TACR1: variants seen among roughly 807,000 people sequenced by gnomAD.
TACR1 encodes tachykinin receptor 1, also known as substance-P receptor.
TACR1 carries 25 observed loss-of-function variants against 35.8 expected under a neutral mutation model. The ratio of observed to expected loss-of-function variants is 0.70; its 90% CI spans 0.51 to 0.98. The LOEUF (loss-of-function observed/expected upper bound fraction) is 0.98. TACR1 is among the 50% of genes least tolerant of loss of function. The pLI, the probability that TACR1 is intolerant of heterozygous loss-of-function variation, is 0.00. For synonymous variants in TACR1, 195 were observed against 206.7 expected, an observed-to-expected ratio of 0.94 and a Z score of 0.48; for missense variants, 478 against 522.9, an observed-to-expected ratio of 0.91 and a Z score of 0.84.
chr2:75,127,276 A>T (rs930005440), intron 1 of TACR1, among the ~76,000 whole-genome samples: 1 of 152,220 alleles, frequency 6.6e-6, no homozygotes, highest in Admixed American at 6.5e-5. Flanking sequence ...TTATCTATTC[A>T]GCTAAGCTCA....
At chr2:75,113,532 C>CTTTTTTTTTTTTT (rs11437762) in intron 2 of TACR1, among the ~76,000 whole-genome samples, 15 of 92,082 alleles carry the variant, frequency 1.6e-4, no homozygotes, top group East Asian at 3.2e-4. Context: ...TTTCTTCTTC[C>CTTTTTTTTTTTTT]TTTTTTTTTT....
chr2:75,171,909 T>G (rs1675295366), intron 1 of TACR1, among the ~76,000 whole-genome samples: 1 of 152,188 alleles, frequency 6.6e-6, no homozygotes, highest in Admixed American at 6.5e-5. Flanking sequence ...GACTTTGGAC[T>G]GTGTTTTTTT....
chr2:75,193,661 T>C (rs1675901945), intron 1 of TACR1, among the ~76,000 whole-genome samples: 1 of 152,202 alleles, frequency 6.6e-6, no homozygotes. Context: ...TTCTTTTTTT[T>C]TTAATCAACT....
At chr2:75,126,562 C>T (rs1468761915) in intron 1 of TACR1, among the ~76,000 whole-genome samples, 4 of 152,106 alleles carry the variant, frequency 2.6e-5, no homozygotes, top group African/African-American at 7.2e-5. Flanking sequence ...TAGGCGACAC[C>T]CTCCTGGACA....
chr2:75,131,254 A>C (rs1363775200), intron 1 of TACR1, among the ~76,000 whole-genome samples: 2 of 151,868 alleles, frequency 1.3e-5, no homozygotes, highest in Non-Finnish European at 2.9e-5. Context: ...ATGCTTGGCT[A>C]ATTTTTTGTA....
chr2:75,051,327 C>T lies in TACR1; in HGVS notation c.856G>A (p.Val286Ile). The change falls in exon 4 of 5, where the codon GTC becomes ATC. Residue 286 changes from valine to isoleucine, a missense_variant. Transcript: ENST00000305249. ...DLYLKKFIQQ[V>I]YLAIMWLAMS... ...GCCAGCCACATGATGGCCAGGTAGA[C>T]CTGCTGGATAAACTTCTTCAGGTAG... The T allele has an allele frequency of 6.2e-7, 1 of 1,614,136 alleles. No homozygotes were observed. Among genetic ancestry groups the T allele is most frequent in the Non-Finnish European group, 8.5e-7 (1 of 1,180,024 alleles).
At chr2:75,153,118 G>C (rs1416150472) in intron 1 of TACR1, among the ~76,000 whole-genome samples, 1 of 152,184 alleles carries the variant, frequency 6.6e-6, no homozygotes, top group South Asian at 2.1e-4. Flanking sequence ...GGCCAGGCTA[G>C]TCTTGAACTC....
chr2:75,058,535 A>G (rs1417805017), intron 2 of TACR1, among the ~76,000 whole-genome samples: 2 of 152,254 alleles, frequency 1.3e-5, no homozygotes, highest in South Asian at 2.1e-4. Context: ...AGAGACAGCA[A>G]CAGAAGAGAC....
chr2:75,163,435 A>C (rs192407337), intron 1 of TACR1, among the ~76,000 whole-genome samples: 2 of 152,234 alleles, frequency 1.3e-5, no homozygotes, highest in African/African-American at 4.8e-5. Context: ...AGGCATTTAC[A>C]TAAGTCTTAA....
intron 2 of TACR1, among the ~76,000 whole-genome samples, chr2:75,092,921 C>A (rs990437259): frequency 1.1e-4 from 16 of 152,154 alleles, no homozygotes; most frequent in Admixed American, 9.2e-4. Flanking sequence ...GGAATTAAAG[C>A]TATCAAAATA....
intron 1 of TACR1, among the ~76,000 whole-genome samples, chr2:75,197,861 G>A (rs966973347): frequency 2.6e-5 from 4 of 152,168 alleles, no homozygotes; most frequent in African/African-American, 7.2e-5. Flanking sequence ...GTTTCTTAAG[G>A]ATAGCATAAC....
intron 2 of TACR1, among the ~76,000 whole-genome samples, chr2:75,073,953 A>G (rs1672929428): frequency 6.6e-6 from 1 of 152,006 alleles, no homozygotes; most frequent in African/African-American, 2.4e-5. Context: ...CAACTCCTCA[A>G]CCCCTGAAAT....
intron 2 of TACR1, among the ~76,000 whole-genome samples, chr2:75,093,993 C>T (rs1352761641): frequency 6.6e-6 from 1 of 152,128 alleles, no homozygotes; most frequent in Non-Finnish European, 1.5e-5. Flanking sequence ...AAAGCCAGGG[C>T]TAGAAGCTGA....
chr2:75,157,373 C>T (rs1174612467), intron 1 of TACR1, among the ~76,000 whole-genome samples: 2 of 152,186 alleles, frequency 1.3e-5, no homozygotes, highest in Non-Finnish European at 1.5e-5. Context: ...GCTTCTCTTT[C>T]CTACTCTCCC....
At chr2:75,102,625 G>C (rs1673560655) in intron 2 of TACR1, among the ~76,000 whole-genome samples, 1 of 151,998 alleles carries the variant, frequency 6.6e-6, no homozygotes, top group Admixed American at 6.6e-5. Flanking sequence ...ATATCACTTT[G>C]CCTTCAAACA....
chr2:75,127,619 A>T (rs1390476065), intron 1 of TACR1, among the ~76,000 whole-genome samples: 3 of 152,180 alleles, frequency 2.0e-5, no homozygotes, highest in Non-Finnish European at 4.4e-5. Context: ...GAAGGAGGGG[A>T]TGCAGTTGAC....
chr2:75,072,973 GACTAA>G (rs148529256), intron 2 of TACR1, among the ~76,000 whole-genome samples: 31,340 of 151,864 alleles, frequency 0.21, 3,819 homozygotes, highest in Admixed American at 0.32. Flanking sequence ...AACTAAACTA[GACTAA>G]ACAACTATTG....
intron 3 of TACR1, among the ~76,000 whole-genome samples, chr2:75,053,118 G>A (rs1672500079): frequency 6.6e-6 from 1 of 152,066 alleles, no homozygotes; most frequent in Non-Finnish European, 1.5e-5. Flanking sequence ...ACCACAGTCA[G>A]GATACAGAGC....
chr2:75,172,154 T>C (rs1479771670), intron 1 of TACR1, among the ~76,000 whole-genome samples: 7 of 152,362 alleles, frequency 4.6e-5, no homozygotes, highest in Middle Eastern at 3.4e-3. Flanking sequence ...TTTTGTGCTA[T>C]AGAATCTTTC....
Sources: allele counts gnomAD v4.1 joint callset (sites outside exome capture counted in the v4.1 genomes callset), GRCh38; gene constraint gnomAD v4.1.1; transcripts MANE v1.5; gene names NCBI Gene and HGNC (gene_info 2026-07-23, HGNC 2026-07-21).